ABLIM2: variants seen among roughly 807,000 people sequenced by gnomAD.
ABLIM2 encodes the protein actin binding LIM protein family member 2, also known as actin-binding LIM protein 2.
In ABLIM2, 53 loss-of-function variants were observed where a neutral mutation model predicts 97.7. The ratio of observed to expected loss-of-function variants is 0.54; its 90% confidence interval spans 0.44 to 0.68. The LOEUF is 0.68. Among genes scored for constraint, ABLIM2 ranks in the 30% least tolerant of loss-of-function variants. The probability of loss-of-function intolerance (pLI) is 0.00; values close to 1 mark genes in which losing one functional copy is unlikely to be tolerated. For missense variants in ABLIM2, 835 were observed against 867.2 expected, an observed-to-expected ratio of 0.96 and a Z score of 0.47; for synonymous variants, 361 against 345.8, an observed-to-expected ratio of 1.04 and a Z score of -0.49.
chr4:8,033,820 T>C lies in ABLIM2; in HGVS notation c.1047+2329A>G, dbSNP rs1401628866. On this transcript the variant is annotated intron_variant, in intron 10 of 20. Transcript: ENST00000447017. The surrounding 1 kb of genome is among the most constrained non-coding windows in gnomAD (Gnocchi z 4.5). The stretch of plus-strand genomic sequence containing the variant: ...CAACAGCTAAGGGCCCGTGTCCACT[T>C]GGGCCTGGAAGCTGTGTCCTGGTCA... Among the ~76,000 whole-genome samples, 1 of 152,218 alleles carries C rather than the reference T, an allele frequency of 6.6e-6. No individual in the cohort carries two copies. The highest frequency in any genetic ancestry group is 2.4e-5 in the African/African-American group (1 of 41,462).
At position 8,019,057 on chromosome 4, in the gene ABLIM2, G is replaced by A. The variant is rs566935832; in HGVS notation, c.1423+561C>T. ...ATGGCCCACGCAAGCTGCTCCCTGC[G>A]CACCTCCCAGGCAGGTTCACGTGGA... On this transcript the variant is annotated intron_variant, in intron 14 of 20. Transcript: ENST00000447017. The surrounding 1 kb of genome is among the most constrained non-coding windows in gnomAD (Gnocchi z 4.3). 2.6e-5 allele frequency among the ~76,000 whole-genome samples: 4 copies of A among 152,288 alleles called. No homozygotes were observed. The highest frequency in any genetic ancestry group is 1.9e-4 in the East Asian group (1 of 5,186).
chr4:8,125,423 T>C lies in ABLIM2; in HGVS notation c.11-18786A>G, dbSNP rs1847424030. Among the ~76,000 whole-genome samples, 1 of 152,268 alleles carries C rather than the reference T, an allele frequency of 6.6e-6. No individual in the cohort carries two copies. The highest frequency in any genetic ancestry group is 1.5e-5 in the Non-Finnish European group (1 of 68,040). On this transcript the variant is annotated intron_variant, in intron 1 of 20. Coordinates refer to ENST00000447017, the MANE Select transcript of ABLIM2 (RefSeq NM_001130083.2). This position sits in a 1 kb window ranked among gnomAD's most constrained non-coding sequence, Gnocchi z 6.2. ...TGTGACTGCTAGTTTTAATTGTGGA[T>C]ACCCTTGCTTCGCATGTGAATCGCG...
chr4:8,079,777 C>T (rs965580055), intron 5 of ABLIM2, among the ~76,000 whole-genome samples: 7 of 151,990 alleles, frequency 4.6e-5, no homozygotes, highest in South Asian at 2.1e-4. Flanking sequence ...TGTGTGTGTG[C>T]GCGCGCCTCA....
intron 1 of ABLIM2, among the ~76,000 whole-genome samples, chr4:8,138,698 T>C (rs373818964): frequency 1.3e-5 from 2 of 152,156 alleles, no homozygotes; most frequent in Non-Finnish European, 2.9e-5. Context: ...TTATACCTTA[T>C]ACAAAAATTA....
chr4:8,082,679 C>A lies in ABLIM2; in HGVS notation c.455-1877G>T. On this transcript the variant is annotated intron_variant, in intron 4 of 20. Transcript: ENST00000447017. The surrounding 1 kb of genome is among the most constrained non-coding windows in gnomAD (Gnocchi z 5.6). The stretch of plus-strand genomic sequence containing the variant: ...ATTCAAACTCTGAGGGAAAGGGGGG[C>A]CTCTTACTCATTTCAGGACCCTGGA... Among the ~76,000 whole-genome samples, 1 of 152,154 alleles carries A rather than the reference C, an allele frequency of 6.6e-6. No individual in the cohort carries two copies. Among genetic ancestry groups the A allele is most frequent in the Non-Finnish European group, 1.5e-5 (1 of 68,024 alleles).
In ABLIM2 at chr4:8,071,988, C is replaced by T. The variant is rs11947982; in HGVS notation, c.675+5640G>A. ...CGCGGCGGCGGCAGCTCCCCTTCTG[C>T]GGAGCCAGGCTTGTCCCCGCCCGCA... On this transcript the variant is annotated intron_variant, in intron 6 of 20. Transcript: ENST00000447017. This position sits in a 1 kb window ranked among gnomAD's most constrained non-coding sequence, Gnocchi z 6.2. The T allele has an allele frequency of 0.033, 32,763 of 985,438 alleles. 1,057 individuals carry two copies. Among genetic ancestry groups the T allele is most frequent in the African/African-American group, 0.15 (8,793 of 57,304 alleles). The allele number at this position is 985,438 out of a possible 1,614,324, so 61.0% of individuals were successfully genotyped here.
chr4:8,006,732 T>C (rs1029508818), intron 16 of ABLIM2, among the ~76,000 whole-genome samples: 14 of 152,268 alleles, frequency 9.2e-5, no homozygotes, highest in Non-Finnish European at 1.5e-4. Flanking sequence ...AGGACTGGCA[T>C]GCAGCTGCCC....
chr4:7,980,250 G>A (rs774733322), intron 20 of ABLIM2, among the ~76,000 whole-genome samples: 23 of 152,150 alleles, frequency 1.5e-4, no homozygotes, highest in South Asian at 2.1e-4. Context: ...TCCTCCCTTC[G>A]GAATTCAGGC....
In ABLIM2 at chr4:8,095,053, T is replaced by C. The variant is rs6816750; in HGVS notation, c.338+2046A>G. On this transcript the variant is annotated intron_variant, in intron 3 of 20. Coordinates refer to ENST00000447017, the MANE Select transcript of ABLIM2 (RefSeq NM_001130083.2). This position sits in a 1 kb window ranked among gnomAD's most constrained non-coding sequence, Gnocchi z 4.7. ...ACTTCTTTCCTTCCTTCCTTCTTTC[T>C]TTCTTTCTCTTTCTTTCTTTCTCTC... Among the ~76,000 whole-genome samples, 4 of 143,464 alleles carry C rather than the reference T, an allele frequency of 2.8e-5. No homozygotes were observed. The highest frequency in any genetic ancestry group is 7.5e-5 in the African/African-American group (3 of 39,754). The allele number at this position is 143,464 out of a possible 152,430, so 94.1% of individuals were successfully genotyped here. A position where few individuals can be genotyped will look rare whatever the true frequency, so the allele number is the denominator to read the frequency against.
chr4:8,079,396 C>A (rs537670608), intron 5 of ABLIM2, among the ~76,000 whole-genome samples: 185 of 152,310 alleles, frequency 1.2e-3, no homozygotes, highest in African/African-American at 4.3e-3. Flanking sequence ...AGGGGCCTGC[C>A]GCCTGCACGG....
intron 1 of ABLIM2, among the ~76,000 whole-genome samples, chr4:8,109,741 A>C (rs1056626126): frequency 6.6e-6 from 1 of 152,168 alleles, no homozygotes; most frequent in African/African-American, 2.4e-5. Flanking sequence ...TGGCCTGGGA[A>C]GCAGGCATGG....
chr4:8,029,877 C>T, intron 10 of ABLIM2, 101 bp from the exon 11 acceptor site: 1 of 1,441,848 alleles, frequency 6.9e-7, no homozygotes. Flanking sequence ...CCTCCTGACC[C>T]AAGTGGATGA....
At position 8,120,239 on chromosome 4, in the gene ABLIM2, G is replaced by C. The variant is rs1038343133; in HGVS notation, c.11-13602C>G. Among the ~76,000 whole-genome samples the C allele has an allele frequency of 6.6e-6, 1 of 152,198 alleles. No individual in the cohort carries two copies. Among genetic ancestry groups the C allele is most frequent in the Admixed American group, 6.5e-5 (1 of 15,280 alleles). ...CGGGGAGCTCGAGCCATCTCTGTGG[G>C]CTGAACCGGGACCCCCAGATGCCCA... is the stretch of plus-strand genomic sequence containing the variant. On this transcript the variant is annotated intron_variant, in intron 1 of 20. Coordinates refer to ENST00000447017, the MANE Select transcript of ABLIM2 (RefSeq NM_001130083.2). The surrounding 1 kb of genome is among the most constrained non-coding windows in gnomAD (Gnocchi z 5.6).
rs1179728308 is a variant in ABLIM2, at chr4:8,072,627, G to A, written c.675+5001C>T. On this transcript the variant is annotated intron_variant, in intron 6 of 20. Transcript: ENST00000447017. This position sits in a 1 kb window ranked among gnomAD's most constrained non-coding sequence, Gnocchi z 5.8. ...CACCAGGAGAAGACAAAGGGTTGGG[G>A]GAAACCTGCGCACCCCGGGCTCCAG... Among the ~76,000 whole-genome samples, 2 of 152,224 alleles carry A rather than the reference G, an allele frequency of 1.3e-5. No homozygotes were observed. Among genetic ancestry groups the A allele is most frequent in the East Asian group, 3.9e-4 (2 of 5,192 alleles).
Position 8,029,843 on chromosome 4 carries a change from C to T in ABLIM2, c.1048-67G>A, listed in dbSNP as rs548889717. The T allele has an allele frequency of 2.0e-5, 31 of 1,519,746 alleles. No homozygotes were observed. In the East Asian group the frequency reaches 6.7e-4, roughly 33 times the overall value. 94.1% of individuals were successfully genotyped at this position (1,519,746 alleles called of 1,614,324 possible). A position where few individuals can be genotyped will look rare whatever the true frequency, so the allele number is the denominator to read the frequency against. ...CACTTCCCACCCCTTGTCCACCCAT[C>T]CCCCGACACCATTTGGTGTTTGCCC... On this transcript the variant is annotated intron_variant, in intron 10 of 20. Coordinates refer to ENST00000447017, the MANE Select transcript of ABLIM2 (RefSeq NM_001130083.2).
At position 8,023,934 on chromosome 4, in the gene ABLIM2, G is replaced by A. The variant is rs1191156261; in HGVS notation, c.1268-3631C>T. Among the ~76,000 whole-genome samples the A allele has an allele frequency of 6.6e-6, 1 of 152,218 alleles. No homozygotes were observed. The highest frequency in any genetic ancestry group is 2.4e-5 in the African/African-American group (1 of 41,458). ...AGCCTCCTCCAGGTGACACCGCAGAGAGGCCAGCTGGTGGCCACGGGCAGG... is the reference window on the plus strand; with the variant it reads ...AGCCTCCTCCAGGTGACACCGCAGAAAGGCCAGCTGGTGGCCACGGGCAGG... On this transcript the variant is annotated intron_variant, in intron 12 of 20. Transcript: ENST00000447017. The surrounding 1 kb of genome is among the most constrained non-coding windows in gnomAD (Gnocchi z 5.7).
At chr4:8,146,154 C>G (rs1431121313) in intron 1 of ABLIM2, among the ~76,000 whole-genome samples, 1 of 152,180 alleles carries the variant, frequency 6.6e-6, no homozygotes, top group Non-Finnish European at 1.5e-5. Context: ...TTTATTCATG[C>G]TTCATAATAT....
intron 2 of ABLIM2, among the ~76,000 whole-genome samples, chr4:8,100,132 C>T (rs1164186437): frequency 6.6e-6 from 1 of 152,148 alleles, no homozygotes; most frequent in Non-Finnish European, 1.5e-5. Flanking sequence ...TCTGGAATAT[C>T]ATTTGGCACT....
In ABLIM2 at chr4:8,127,124, G is replaced by C. The variant is rs1848328852; in HGVS notation, c.11-20487C>G. On this transcript the variant is annotated intron_variant, in intron 1 of 20. Coordinates refer to ENST00000447017, the MANE Select transcript of ABLIM2 (RefSeq NM_001130083.2). The surrounding 1 kb of genome is among the most constrained non-coding windows in gnomAD (Gnocchi z 7.3). Reference sequence around the variant, plus strand: ...GCCACATGTCCCCCTGGGAGCACAGGAGCACAGCTGCCTGTGGGTGAGAAT... The same window carrying C: ...GCCACATGTCCCCCTGGGAGCACAGCAGCACAGCTGCCTGTGGGTGAGAAT... Among the ~76,000 whole-genome samples the C allele has an allele frequency of 6.6e-6, 1 of 151,732 alleles. No individual in the cohort carries two copies. Among genetic ancestry groups the C allele is most frequent in the African/African-American group, 2.4e-5 (1 of 41,310 alleles).
Sources: allele counts gnomAD v4.1 joint callset (sites outside exome capture counted in the v4.1 genomes callset), GRCh38; gene constraint gnomAD v4.1.1; non-coding constraint Gnocchi (gnomAD v3.1); transcripts MANE v1.5; gene names NCBI Gene and HGNC (gene_info 2026-07-23, HGNC 2026-07-21).